Variants in TBC1D23 observed in about 807,000 individuals in gnomAD.
The protein encoded by TBC1D23 is TBC1 domain family member 23, also known as HCV non-structural protein 4A-transactivated protein 1.
A neutral mutation model predicts 91.4 loss-of-function variants in TBC1D23; 55 were observed. The observed-to-expected ratio is 0.60, with a 90% CI of 0.48 to 0.75. TBC1D23 has a LOEUF of 0.75. TBC1D23 is among the 30% of genes least tolerant of loss of function. TBC1D23 has a pLI of 0.00. For synonymous variants in TBC1D23, 289 were observed against 281.0 expected (o/e 1.03, Z -0.28); for missense variants, 725 against 836.1 (o/e 0.87, Z 1.64).
intron 1 of TBC1D23, among the ~76,000 whole-genome samples, chr3:100,269,722 T>G (rs182553581): frequency 6.6e-6 from 1 of 152,310 alleles, no homozygotes; most frequent in Admixed American, 6.5e-5. Flanking sequence ...TGGTAGTACT[T>G]TGTAACCAGC....
chr3:100,318,996 T>G, intron 16 of TBC1D23, 73 bp from the exon 17 acceptor site: 1 of 1,016,690 alleles, frequency 9.8e-7, no homozygotes, highest in East Asian at 2.8e-5. Flanking sequence ...ACTGAAATTT[T>G]TTTAGACTGT....
intron 10 of TBC1D23, among the ~76,000 whole-genome samples, chr3:100,300,552 A>G (rs1576176504): frequency 7.4e-6 from 1 of 135,692 alleles, no homozygotes; most frequent in Non-Finnish European, 1.5e-5. Context: ...CTCAGGCTGG[A>G]GTACAGTGTT....
At chr3:100,284,039 T>G (rs1002342268) in intron 4 of TBC1D23, 2 of 456,898 alleles carry the variant, frequency 4.4e-6, no homozygotes, top group East Asian at 3.4e-5. Flanking sequence ...GGGGTTGGAG[T>G]TGGGGAGGAA....
chr3:100,302,907 T>C (rs1299402963), intron 11 of TBC1D23, among the ~76,000 whole-genome samples: 1 of 152,170 alleles, frequency 6.6e-6, no homozygotes, highest in Non-Finnish European at 1.5e-5. Flanking sequence ...ACATTGATCT[T>C]TATGTGTATT....
chr3:100,285,918 AGTTTT>A (rs1051069263), intron 4 of TBC1D23, among the ~76,000 whole-genome samples: 6 of 151,172 alleles, frequency 4.0e-5, no homozygotes, highest in African/African-American at 1.5e-4. Flanking sequence ...TGGTCCCTAG[AGTTTT>A]GTTTTTTTTT....
chr3:100,317,339 G>A (rs1276961731), intron 16 of TBC1D23, among the ~76,000 whole-genome samples: 1 of 152,082 alleles, frequency 6.6e-6, no homozygotes, highest in Non-Finnish European at 1.5e-5. Flanking sequence ...TTCAGCTCAT[G>A]TATCTCCTCA....
rs577514361 is a variant in TBC1D23 at position 100,316,136 on chromosome 3, C to T, written c.1636C>T (p.Arg546Cys). 8.1e-6 allele frequency: 13 copies of T among 1,614,050 alleles called. No individual in the cohort carries two copies. Among genetic ancestry groups the T allele is most frequent in the East Asian group, 2.2e-5 (1 of 44,870 alleles). The change falls in exon 16 of 19, where the codon CGT becomes TGT. Residue 546 changes from arginine to cysteine, a missense_variant. Arg to Cys is a radical substitution (Grantham distance 180). Coordinates refer to ENST00000394144, the MANE Select transcript of TBC1D23 (RefSeq NM_001199198.3). ...CAGTGACAGAGTGGGCAAGCCTTAC[C>T]GTGGCGTAAAGCCTGTTTTCAGCAT... Reference protein sequence around the residue: ...SSSDRVGKPYRGVKPVFSIGD... With the variant: ...SSSDRVGKPYCGVKPVFSIGD...
chr3:100,312,836 T>G (rs1367825615), intron 15 of TBC1D23, among the ~76,000 whole-genome samples: 1 of 152,122 alleles, frequency 6.6e-6, no homozygotes, highest in African/African-American at 2.4e-5. Flanking sequence ...GTAGCATTTT[T>G]AAGAATAATA....
rs761868336 is a variant in TBC1D23 at position 100,279,634 on chromosome 3, G to C, written c.54-15G>C. On this transcript the variant is annotated splice_polypyrimidine_tract_variant and intron_variant, in intron 1 of 18. Coordinates refer to ENST00000394144, the MANE Select transcript of TBC1D23 (RefSeq NM_001199198.3). ...GAGATAAAGTTCATTTTAATAAATA[G>C]GACTTATTTTTTAGGGAAAAAGATC... 1 of 1,481,922 alleles carries C rather than the reference G, an allele frequency of 6.7e-7. No homozygotes were observed. Among genetic ancestry groups the C allele is most frequent in the Non-Finnish European group, 9.3e-7 (1 of 1,072,470 alleles). 91.8% of individuals were successfully genotyped at this position (1,481,922 alleles called of 1,614,324 possible).
intron 4 of TBC1D23, among the ~76,000 whole-genome samples, chr3:100,285,682 T>G (rs958533299): frequency 6.6e-6 from 1 of 152,230 alleles, no homozygotes; most frequent in African/African-American, 2.4e-5. Flanking sequence ...CATCATATGT[T>G]CTCACCAACA....
intron 11 of TBC1D23, 150 bp downstream of exon 11, chr3:100,302,387 TTA>T (rs1309251445): frequency 9.0e-6 from 5 of 555,006 alleles, no homozygotes; most frequent in Non-Finnish European, 1.5e-5. Context: ...TCTCATATGC[TTA>T]TATGATTTTT....
chr3:100,306,636 CA>C, intron 13 of TBC1D23, 93 bp downstream of exon 13: 1 of 660,372 alleles, frequency 1.5e-6, no homozygotes, highest in South Asian at 1.8e-5. Flanking sequence ...GAAATGGAGT[CA>C]AAACATTTCA....
intron 13 of TBC1D23, among the ~76,000 whole-genome samples, chr3:100,308,961 T>C (rs1705568515): frequency 1.3e-5 from 2 of 152,042 alleles, no homozygotes; most frequent in African/African-American, 4.8e-5. Flanking sequence ...TGGCTCATGC[T>C]TGTAATCCCA....
chr3:100,294,688 T>A (rs2067822900), intron 5 of TBC1D23, among the ~76,000 whole-genome samples: 1 of 152,238 alleles, frequency 6.6e-6, no homozygotes, highest in Non-Finnish European at 1.5e-5. Context: ...ATTTAAATAC[T>A]GTGCTGTTAT....
chr3:100,279,935 T>TA (rs1343862507), intron 2 of TBC1D23, among the ~76,000 whole-genome samples, 175 bp downstream of exon 2: 16 of 152,348 alleles, frequency 1.1e-4, no homozygotes, highest in African/African-American at 3.8e-4. Flanking sequence ...TTGGTATATT[T>TA]AACAATAATG....
At chr3:100,310,922 A>G (rs1199491989) in intron 14 of TBC1D23, among the ~76,000 whole-genome samples, 1 of 152,216 alleles carries the variant, frequency 6.6e-6, no homozygotes, top group East Asian at 1.9e-4. Flanking sequence ...TTTAAAACCT[A>G]GAAAATCTGG....
At chr3:100,322,163 G>A (rs1436164635) in intron 18 of TBC1D23, among the ~76,000 whole-genome samples, 4 of 151,868 alleles carry the variant, frequency 2.6e-5, no homozygotes, top group Admixed American at 6.6e-5. Flanking sequence ...TTGCAATCAC[G>A]GCTCACTGTA....
intron 11 of TBC1D23, among the ~76,000 whole-genome samples, chr3:100,304,388 T>C (rs1467804677): frequency 2.6e-5 from 4 of 152,112 alleles, no homozygotes; most frequent in Non-Finnish European, 5.9e-5. Context: ...TTTTTATTTA[T>C]ATTACTTAGA....
rs1378365886 is a variant in TBC1D23 at position 100,310,273 on chromosome 3, C to T, written c.1414-130C>T. 16 of 776,322 alleles carry T rather than the reference C, an allele frequency of 2.1e-5. No individual in the cohort carries two copies. The Admixed American group carries it at 2.7e-4, about 13-fold the overall frequency. 48.1% of individuals were successfully genotyped at this position (776,322 alleles called of 1,614,324 possible). On this transcript the variant is annotated intron_variant, in intron 13 of 18. Transcript: ENST00000394144. The stretch of plus-strand genomic sequence containing the variant: ...AAATACAGTCACATTCTGAGATATA[C>T]TGGGAGTTAGGACTTCAACATATGA...
Sources: gnomAD v4.1 joint callset for allele counts (sites outside exome capture counted in the v4.1 genomes callset) on GRCh38, gnomAD v4.1.1 for gene constraint, MANE v1.5 for transcripts, NCBI Gene and HGNC (gene_info 2026-07-23, HGNC 2026-07-21) for gene names.